RHBG: variants seen among roughly 807,000 people sequenced by gnomAD.
The protein encoded by RHBG is ammonium transporter Rh type B.
Under a neutral mutation model 40.1 loss-of-function variants are expected in RHBG, and 39 were observed. The observed-to-expected ratio is 0.97, with a 90% confidence interval of 0.75 to 1.27. The LOEUF (loss-of-function observed/expected upper bound fraction) is 1.27, where lower values mean the gene tolerates loss of function less well. Ranked by LOEUF, RHBG falls within the 50% of genes most tolerant of loss-of-function variation. The pLI is 0.00. For synonymous variants in RHBG, 237 were observed against 252.5 expected (o/e 0.94, Z 0.58); for missense variants, 549 against 588.1 (o/e 0.93, Z 0.69).
chr1:156,380,133 T>C (rs1667518183), intron 4 of RHBG, among the ~76,000 whole-genome samples: 1 of 111,136 alleles, frequency 9.0e-6, no homozygotes. Context: ...TTTTTTGAGA[T>C]GGAGTCTTGC....
chr1:156,372,105 G>A (rs1666899389), intron 1 of RHBG, among the ~76,000 whole-genome samples: 1 of 152,236 alleles, frequency 6.6e-6, no homozygotes, highest in African/African-American at 2.4e-5. Flanking sequence ...TGATTCGGGA[G>A]ATGAAAGGGA....
chr1:156,378,965 C>A (rs1667424262), intron 4 of RHBG, among the ~76,000 whole-genome samples: 1 of 151,814 alleles, frequency 6.6e-6, no homozygotes, highest in Non-Finnish European at 1.5e-5. Context: ...GGAGCCCTGT[C>A]ATCTGTCATC....
intron 4 of RHBG, among the ~76,000 whole-genome samples, chr1:156,378,996 CTTTT>C (rs1173676129): frequency 2.1e-5 from 3 of 141,554 alleles, no homozygotes; most frequent in Admixed American, 7.1e-5. Flanking sequence ...GCTTCTTCTT[CTTTT>C]TTTTTTTTTT....
At chr1:156,379,057 C>T (rs1372295006) in intron 4 of RHBG, among the ~76,000 whole-genome samples, 3 of 150,188 alleles carry the variant, frequency 2.0e-5, no homozygotes, top group Admixed American at 6.7e-5. Flanking sequence ...TGCAGTGGTG[C>T]GATCTCAGCT....
At chr1:156,378,483 C>G in intron 4 of RHBG, 84 bp downstream of exon 4, 1 of 1,475,636 alleles carries the variant, frequency 6.8e-7, no homozygotes, top group Non-Finnish European at 9.1e-7. Context: ...TCTCGGGGTG[C>G]TGACTGCAGT....
chr1:156,378,384 C>G lies in RHBG; in HGVS notation c.658C>G (p.Leu220Val). The change falls in exon 4 of 10, where the codon CTC becomes GTC. Residue 220 changes from leucine to valine, a missense_variant. By Grantham distance (32) the Leu-to-Val change is conservative. This residue lies in a region of RHBG where 399 missense variants were observed against 417.0 expected (regional missense o/e 0.96). Coordinates refer to ENST00000537040, the MANE Select transcript of RHBG (RefSeq NM_020407.5). ...HRQGSVYHSD[L>V]FAMIGTIFLW... ...CCAGGGCTCCGTCTACCATTCAGACCTCTTCGCCATGATTGGTGAGGCCTT... is the reference window on the plus strand; with the variant it reads ...CCAGGGCTCCGTCTACCATTCAGACGTCTTCGCCATGATTGGTGAGGCCTT... The G allele has an allele frequency of 6.2e-7, 1 of 1,603,316 alleles. No homozygotes were observed. The highest frequency in any genetic ancestry group is 8.5e-7 in the Non-Finnish European group (1 of 1,173,424).
chr1:156,381,388 G>T lies in RHBG; in HGVS notation c.715G>T (p.Ala239Ser). The change falls in exon 5 of 10, where the codon GCA (alanine) becomes TCA (serine). Residue 239 changes from alanine to serine, a missense_variant. By Grantham distance (99) the Ala-to-Ser change is moderately conservative. This residue lies in a region of RHBG where 399 missense variants were observed against 417.0 expected (regional missense o/e 0.96). Transcript: ENST00000537040. ...GATCTTCTGGCCTAGCTTCAATGCT[G>T]CACTCACAGCGCTGGGGGCTGGGCA... ...LWIFWPSFNAALTALGAGQHR... is the reference protein window; with the variant it reads ...LWIFWPSFNASLTALGAGQHR... 1.2e-6 allele frequency: 2 copies of T among 1,614,184 alleles called. No homozygotes were observed. The highest frequency in any genetic ancestry group is 8.5e-7 in the Non-Finnish European group (1 of 1,180,044).
intron 1 of RHBG, among the ~76,000 whole-genome samples, chr1:156,376,672 A>T (rs1667224517): frequency 1.3e-5 from 2 of 152,108 alleles, no homozygotes; most frequent in South Asian, 4.1e-4. Context: ...CCTCCTTAAA[A>T]TTTTTAAAAA....
intron 1 of RHBG, among the ~76,000 whole-genome samples, chr1:156,369,857 T>G (rs541336147): frequency 1.3e-5 from 2 of 151,952 alleles, no homozygotes. Flanking sequence ...ACCCTGAGCA[T>G]GGGAAAGAGA....
intron 4 of RHBG, among the ~76,000 whole-genome samples, chr1:156,380,044 T>C (rs1667508334): frequency 6.6e-6 from 1 of 152,152 alleles, no homozygotes; most frequent in African/African-American, 2.4e-5. Context: ...TCCTGATATG[T>C]GTATCAAGTA....
chr1:156,379,056 G>A lies in RHBG; in HGVS notation c.673+657G>A, dbSNP rs572996888. Among the ~76,000 whole-genome samples, 12 of 150,716 alleles carry A rather than the reference G, an allele frequency of 8.0e-5. 1 individual carries two copies. The South Asian group carries it at 1.5e-3, about 18-fold the overall frequency. Reference sequence around the variant, plus strand: ...GTTGCCCAGGTTGGAGTGCAGTGGTGCGATCTCAGCTCACCACAACCTCTG... The same window carrying A: ...GTTGCCCAGGTTGGAGTGCAGTGGTACGATCTCAGCTCACCACAACCTCTG... On this transcript the variant is annotated intron_variant, in intron 4 of 9. Transcript: ENST00000537040.
intron 1 of RHBG, among the ~76,000 whole-genome samples, chr1:156,373,423 G>A (rs1254142766): frequency 2.1e-5 from 2 of 96,058 alleles, no homozygotes; most frequent in Admixed American, 1.7e-4. Context: ...AAGAACTGTC[G>A]CAAAAAAATA....
chr1:156,372,572 A>T (rs1436352400), intron 1 of RHBG, among the ~76,000 whole-genome samples: 1 of 152,254 alleles, frequency 6.6e-6, no homozygotes, highest in African/African-American at 2.4e-5. Flanking sequence ...GGATGTGACC[A>T]GGACCAGAGT....
At position 156,369,262 on chromosome 1, in the gene RHBG, C is replaced by G; in HGVS notation, c.13C>G (p.Pro5Ala). MAGS[P>A]SRAAGRRLQL... ...CGCAGCCCAACCCATGGCCGGGTCT[C>G]CTAGCCGCGCCGCGGGCCGGCGACT... Residue 5 changes from proline (P) to alanine (A), a missense_variant, in exon 1 of 10, where the codon CCT becomes GCT. This residue lies in a region of RHBG where 99 missense variants were observed against 85.2 expected (regional missense o/e 1.16). Coordinates refer to ENST00000537040, the MANE Select transcript of RHBG (RefSeq NM_020407.5). 1.2e-6 allele frequency: 2 copies of G among 1,613,254 alleles called. No homozygotes were observed. Among genetic ancestry groups the G allele is most frequent in the Non-Finnish European group, 1.7e-6 (2 of 1,179,852 alleles).
rs1667912194 is a variant in RHBG, at chr1:156,384,555, C to T, written c.1263C>T (p.Asp421=). ...TCCTGCTGAAGCTACCCTTTCTGGA[C>T]TCCCCCCCAGACTCCCAGCACTACG... ...GGLLLKLPFL[D]SPPDSQHYED... is the part of the protein sequence containing the mutation. The change falls in exon 9 of 10, where the codon GAC becomes GAT. Residue 421 remains aspartate (D), a synonymous_variant. Transcript: ENST00000537040. 1 of 1,531,892 alleles carries T rather than the reference C, an allele frequency of 6.5e-7. No homozygotes were observed. Among genetic ancestry groups the T allele is most frequent in the African/African-American group, 1.5e-5 (1 of 65,524 alleles). 94.9% of individuals were successfully genotyped at this position (1,531,892 alleles called of 1,614,324 possible). A position where few individuals can be genotyped will look rare whatever the true frequency, so the allele number is the denominator to read the frequency against.
Position 156,369,410 on chromosome 1 carries a change from A to T in RHBG, c.161A>T (p.Asp54Val). 6.2e-7 allele frequency: 1 copy of T among 1,613,434 alleles called. No individual in the cohort carries two copies. The highest frequency in any genetic ancestry group is 8.5e-7 in the Non-Finnish European group (1 of 1,179,694). The stretch of plus-strand genomic sequence containing the variant: ...CACCGGAGCAACCACAGTAACGCGG[A>T]CAATGAATTTTACTTTCGCTACCCA... ...LWHRSNHSNA[D>V]NEFYFRYPSF... is the part of the protein sequence containing the mutation. Residue 54 changes from aspartate (D) to valine (V), a missense_variant, in exon 1 of 10, where the codon GAC (aspartate) becomes GTC (valine). Asp to Val is a radical substitution (Grantham distance 152). Around this residue, in one of 3 missense-constraint regions of RHBG, gnomAD observed 99 missense variants for 85.2 expected, o/e 1.16. Coordinates refer to ENST00000537040, the MANE Select transcript of RHBG (RefSeq NM_020407.5).
intron 8 of RHBG, 39 bp from the exon 9 acceptor site, chr1:156,384,488 G>A (rs761181437): frequency 1.3e-6 from 2 of 1,594,250 alleles, no homozygotes; most frequent in South Asian, 1.1e-5. Flanking sequence ...CATGGTGGGG[G>A]GCAGAGAAGC....
Position 156,384,811 on chromosome 1 carries a change from C to T in RHBG, c.1343C>T (p.Pro448Leu), listed in dbSNP as rs766074948. The part of the protein sequence containing the change: ...PGEHEDKAQR[P>L]LRVEEADTQA The stretch of plus-strand genomic sequence containing the variant: ...GAGCATGAGGATAAAGCCCAGAGAC[C>T]TCTGAGGGTGGAGGAGGCAGACACT... The change falls in exon 10 of 10, where the codon CCT becomes CTT. Residue 448 changes from proline (P) to leucine (L), a missense_variant. This residue lies in a region of RHBG where 399 missense variants were observed against 417.0 expected (regional missense o/e 0.96). Coordinates refer to ENST00000537040, the MANE Select transcript of RHBG (RefSeq NM_020407.5). The T allele has an allele frequency of 1.2e-6, 2 of 1,613,788 alleles. No individual in the cohort carries two copies. The highest frequency in any genetic ancestry group is 1.6e-4 in the Middle Eastern group (1 of 6,078).
At chr1:156,384,650 C>T (rs764731719) in intron 9 of RHBG, 50 bp downstream of exon 9, 41 of 1,547,514 alleles carry the variant, frequency 2.6e-5, no homozygotes, top group South Asian at 2.4e-4. Context: ...TTCCCTGCCT[C>T]GCCTCCTGTG....
Sources: gnomAD v4.1 joint callset for allele counts (sites outside exome capture counted in the v4.1 genomes callset) on GRCh38, gnomAD v4.1.1 for gene constraint, gnomAD v4.1.1 regional missense constraint, MANE v1.5 for transcripts, NCBI Gene and HGNC (gene_info 2026-07-23, HGNC 2026-07-21) for gene names.